RNF212B: variants seen among roughly 807,000 people sequenced by gnomAD.
The protein encoded by RNF212B is E3 ubiquitin-protein ligase RNF212B.
RNF212B carries 52 observed loss-of-function variants against 55.5 expected under a neutral mutation model. The ratio of observed to expected loss-of-function variants is 0.94; its 90% confidence interval spans 0.75 to 1.18. RNF212B has a LOEUF of 1.18. RNF212B is among the 50% of genes most tolerant of loss of function. The probability of loss-of-function intolerance (pLI) is 0.00; values close to 1 mark genes in which losing one functional copy is unlikely to be tolerated. For synonymous variants in RNF212B, 99 were observed against 121.4 expected (o/e 0.82, Z 1.21); for missense variants, 289 against 350.4 (o/e 0.82, Z 1.40).
intron 1 of RNF212B, among the ~76,000 whole-genome samples, chr14:23,185,679 C>A (rs577938331): frequency 6.6e-6 from 1 of 152,296 alleles, no homozygotes; most frequent in Non-Finnish European, 1.5e-5. Context: ...CAAATACGTT[C>A]TTGGAATACA....
At chr14:23,241,651 C>T (rs1883576614) in intron 2 of RNF212B, among the ~76,000 whole-genome samples, 3 of 151,908 alleles carry the variant, frequency 2.0e-5, no homozygotes, top group African/African-American at 4.8e-5. Flanking sequence ...CTCGAACTCC[C>T]GGCCTCAAGT....
At position 23,264,682 on chromosome 14, in the gene RNF212B, G is replaced by A. The variant is rs138225027; in HGVS notation, c.634+11G>A. The A allele has an allele frequency of 2.3e-4, 300 of 1,285,020 alleles. 3 individuals carry two copies. In the East Asian group the frequency reaches 8.8e-3, roughly 38 times the overall value. The allele number at this position is 1,285,020 out of a possible 1,614,324, so 79.6% of individuals were successfully genotyped here. On this transcript the variant is annotated intron_variant, in intron 11 of 14. Transcript: ENST00000430154. ...GAGACTCTTATAATGGTGAGGTGGG[G>A]GGAAAAGGGTGTCAGAAATCAACTT...
intron 13 of RNF212B, 55 bp from the exon 14 acceptor site, chr14:23,270,545 C>A (rs558952662): frequency 1.9e-5 from 25 of 1,289,338 alleles, no homozygotes; most frequent in African/African-American, 1.9e-4. Flanking sequence ...ACAAGTAACA[C>A]TGCCGAGAAA....
chr14:23,238,994 C>A (rs562275830), intron 1 of RNF212B, among the ~76,000 whole-genome samples: 57 of 152,160 alleles, frequency 3.7e-4, no homozygotes, highest in African/African-American at 1.4e-3. Flanking sequence ...ATATCAGGTA[C>A]CTCTTTTGAA....
chr14:23,210,223 A>G (rs35681305), intron 2 of RNF212B, among the ~76,000 whole-genome samples: 19,655 of 152,244 alleles, frequency 0.13, 1,341 homozygotes, highest in East Asian at 0.19. Flanking sequence ...GACAAGCCCA[A>G]ACTGAGGGAC....
exon 1 of RNF212B, chr14:23,185,490 C>A (rs749941523): frequency 1.3e-5 from 2 of 152,220 alleles, no homozygotes; most frequent in Non-Finnish European, 1.5e-5. Flanking sequence ...GCTTCTTAAA[C>A]GTGAGTTCTT....
At chr14:23,240,563 AAGATACTG>A (rs1883494883) in intron 2 of RNF212B, 118 bp downstream of exon 2, 4 of 599,158 alleles carry the variant, frequency 6.7e-6, no homozygotes, top group Non-Finnish European at 1.2e-5. Flanking sequence ...AATGGTGATA[AAGATACTG>A]TAGGAAACTG....
At chr14:23,259,828 A>C in intron 5 of RNF212B, 56 bp from the exon 6 acceptor site, 1 of 916,020 alleles carries the variant, frequency 1.1e-6, no homozygotes, top group Non-Finnish European at 1.6e-6. Context: ...AATAATAAAA[A>C]ATCAGGTTTT....
chr14:23,213,438 G>C (rs1450252452), intron 2 of RNF212B, among the ~76,000 whole-genome samples: 1 of 152,154 alleles, frequency 6.6e-6, no homozygotes. Context: ...TTCCCAATTT[G>C]ATCTATAGAT....
chr14:23,226,812 C>CT (rs111452590), intron 2 of RNF212B, among the ~76,000 whole-genome samples: 85,497 of 128,370 alleles, frequency 0.67, 30,021 homozygotes, highest in South Asian at 0.88. Context: ...TCTTCTTCTT[C>CT]TTTTTTTTTT....
intron 4 of RNF212B, among the ~76,000 whole-genome samples, chr14:23,257,835 G>T (rs1350196739): frequency 6.6e-6 from 1 of 152,148 alleles, no homozygotes; most frequent in Non-Finnish European, 1.5e-5. Context: ...CAGCCTGCAG[G>T]TGACTCTGTA....
intron 2 of RNF212B, among the ~76,000 whole-genome samples, chr14:23,209,178 T>A (rs540849283): frequency 3.3e-5 from 5 of 152,324 alleles, no homozygotes; most frequent in African/African-American, 1.2e-4. Context: ...ATTTGTAAAC[T>A]GTCATGGTGC....
chr14:23,239,305 C>A (rs1170394228), intron 1 of RNF212B, among the ~76,000 whole-genome samples: 1 of 152,152 alleles, frequency 6.6e-6, no homozygotes, highest in African/African-American at 2.4e-5. Flanking sequence ...GGTGATCCAC[C>A]CACCTCGGCC....
At chr14:23,199,585 G>T (rs1421551318) in intron 2 of RNF212B, among the ~76,000 whole-genome samples, 2 of 151,976 alleles carry the variant, frequency 1.3e-5, no homozygotes, top group African/African-American at 4.8e-5. Context: ...TGAATCTCTG[G>T]TCTCAGGTTT....
intron 2 of RNF212B, among the ~76,000 whole-genome samples, chr14:23,219,192 G>A (rs1050217251): frequency 6.6e-6 from 1 of 152,166 alleles, no homozygotes; most frequent in Non-Finnish European, 1.5e-5. Context: ...AATGCTAAAT[G>A]GAGTTCTTCA....
At chr14:23,208,336 T>C in intron 2 of RNF212B, among the ~76,000 whole-genome samples, 1 of 152,010 alleles carries the variant, frequency 6.6e-6, no homozygotes, top group East Asian at 1.9e-4. Flanking sequence ...CAAAAATAAA[T>C]AAATACATAA....
chr14:23,237,799 C>T (rs1446533743), upstream of RNF212B, among the ~76,000 whole-genome samples: 1 of 152,194 alleles, frequency 6.6e-6, no homozygotes, highest in Non-Finnish European at 1.5e-5. Flanking sequence ...CTCCCGCCAC[C>T]GCGAGCCGCT....
chr14:23,198,581 C>A (rs556244322), intron 2 of RNF212B, among the ~76,000 whole-genome samples: 1 of 151,640 alleles, frequency 6.6e-6, no homozygotes, highest in South Asian at 2.1e-4. Flanking sequence ...GAAGCTGAAG[C>A]GGGAGAATCA....
In RNF212B at chr14:23,214,585, T is replaced by G. The variant is rs193111865; in HGVS notation, c.-2+21184T>G. ...ATAGAAACCTCAGACCTGAATAATATAACCAAAAAAATGTTTAAACTTCAT... is the reference window on the plus strand; with the variant it reads ...ATAGAAACCTCAGACCTGAATAATAGAACCAAAAAAATGTTTAAACTTCAT... On this transcript the variant is annotated intron_variant, in intron 2 of 15. Coordinates refer to the RNF212B transcript ENST00000399910. 1.6e-4 allele frequency among the ~76,000 whole-genome samples: 24 copies of G among 151,634 alleles called. 1 individual carries two copies. The East Asian group carries it at 4.3e-3, about 27-fold the overall frequency.
Sources: allele counts gnomAD v4.1 joint callset (sites outside exome capture counted in the v4.1 genomes callset), GRCh38; gene constraint gnomAD v4.1.1; transcripts MANE v1.5; gene names NCBI Gene and HGNC (gene_info 2026-07-23, HGNC 2026-07-21).